Variants in THBS3 observed in about 807,000 individuals in gnomAD.
The protein encoded by THBS3 is thrombospondin 3.
Under a neutral mutation model 118.3 loss-of-function variants are expected in THBS3, and 78 were observed. That is an observed-to-expected ratio of 0.66 (90% CI 0.55 to 0.80). The LOEUF (loss-of-function observed/expected upper bound fraction) is 0.80. Among genes scored for constraint, THBS3 ranks in the 30% least tolerant of loss-of-function variants. THBS3 has a pLI of 0.00. For synonymous variants in THBS3, 427 were observed against 475.3 expected, an observed-to-expected ratio of 0.90 and a Z score of 1.32; for missense variants, 1,057 against 1,247.4, an observed-to-expected ratio of 0.85 and a Z score of 2.30.
At chr1:155,208,097 C>G, upstream of THBS3, 1 of 579,466 alleles carries the variant, frequency 1.7e-6, no homozygotes, top group Non-Finnish European at 3.1e-6. Flanking sequence ...TCCCTGCTTT[C>G]TACCTCTCCC....
intron 11 of THBS3, 72 bp from the exon 12 acceptor site, chr1:155,201,276 A>T: frequency 6.2e-7 from 1 of 1,600,668 alleles, no homozygotes; most frequent in Non-Finnish European, 8.5e-7. Flanking sequence ...TCCCTGCTTC[A>T]GGTCCTATTC....
rs748335230 is a variant in THBS3 at position 155,198,158 on chromosome 1, C to G, written c.2137G>C (p.Asp713His). The stretch of plus-strand genomic sequence containing the variant: ...ACCTCTGCACTTTCAGGACACACAT[C>G]CAGGGGGTCGACCACAGCATCATTG... ...FDNDAVVDPL[D>H]VCPESAEVTL... Residue 713 changes from aspartate (D) to histidine (H), a missense_variant, in exon 18 of 23, where the codon GAT (aspartate) becomes CAT (histidine). Physicochemically the swap from Asp to His is moderately conservative, Grantham distance 81 (BLOSUM62 -1). This residue lies in a region of THBS3 where 307 missense variants were observed against 326.1 expected (regional missense o/e 0.94). Transcript: ENST00000368378. 69 of 1,614,048 alleles carry G rather than the reference C, an allele frequency of 4.3e-5. No individual in the cohort carries two copies. The highest frequency in any genetic ancestry group is 1.3e-4 in the Admixed American group (8 of 60,008).
intron 21 of THBS3, chr1:155,196,536 A>C (rs1169122658): frequency 4.4e-6 from 1 of 228,144 alleles, no homozygotes. Flanking sequence ...TGGCCATGGA[A>C]AGTCCAGCCT....
rs1462824813 is a variant in THBS3 at position 155,199,098 on chromosome 1, G to C, written c.1881-496C>G. Among the ~76,000 whole-genome samples the C allele has an allele frequency of 2.0e-5, 3 of 147,076 alleles. 1 individual carries two copies. Among genetic ancestry groups the C allele is most frequent in the Middle Eastern group, 7.0e-3 (2 of 286 alleles). On this transcript the variant is annotated intron_variant, in intron 16 of 22. Transcript: ENST00000368378. Reference sequence around the variant, plus strand: ...TCACTGCACTCCAGCTTGAGTGACAGAGCAAGACTCCATCTCAAAAAAAAA... The same window carrying C: ...TCACTGCACTCCAGCTTGAGTGACACAGCAAGACTCCATCTCAAAAAAAAA...
chr1:155,200,807 C>A lies in THBS3; in HGVS notation c.1548+90G>T, dbSNP rs1182548590. ...CCTGATTTGGAGTATTTGGCCCTTA[C>A]TAGAGAGCTGCCAGATGAGGTAAGT... On this transcript the variant is annotated intron_variant, in intron 13 of 22. Coordinates refer to ENST00000368378, the MANE Select transcript of THBS3 (RefSeq NM_007112.5). The A allele has an allele frequency of 1.9e-6, 3 of 1,608,820 alleles. No homozygotes were observed. In the Admixed American group the frequency reaches 5.0e-5, roughly 27 times the overall value.
rs1668924042 is a variant in THBS3, at chr1:155,197,718, G to A, written c.2303-59C>T. 5 of 1,601,294 alleles carry A rather than the reference G, an allele frequency of 3.1e-6. No individual in the cohort carries two copies. The highest frequency in any genetic ancestry group is 1.7e-5 in the Admixed American group (1 of 59,514). On this transcript the variant is annotated intron_variant, in intron 19 of 22. Coordinates refer to ENST00000368378, the MANE Select transcript of THBS3 (RefSeq NM_007112.5). This position sits in a 1 kb window ranked among gnomAD's most constrained non-coding sequence, Gnocchi z 5.0. ...CAAAGCTACTGGCGGCCCATCATGGGGTAAAGTTGGGAAGGGATGCCTGCT... is the reference window on the plus strand; with the variant it reads ...CAAAGCTACTGGCGGCCCATCATGGAGTAAAGTTGGGAAGGGATGCCTGCT...
Position 155,206,462 on chromosome 1 carries a change from C to A in THBS3, c.80-56G>T. 1 of 1,521,006 alleles carries A rather than the reference C, an allele frequency of 6.6e-7. No individual in the cohort carries two copies. The highest frequency in any genetic ancestry group is 2.3e-5 in the East Asian group (1 of 43,016). The allele number at this position is 1,521,006 out of a possible 1,614,324, so 94.2% of individuals were successfully genotyped here. A position where few individuals can be genotyped will look rare whatever the true frequency, so the allele number is the denominator to read the frequency against. ...AATGGGATCAAATGCTAAGGTATGCCCTCCCCCGAGCCCACATCACCCCCT... is the reference window on the plus strand; with the variant it reads ...AATGGGATCAAATGCTAAGGTATGCACTCCCCCGAGCCCACATCACCCCCT... On this transcript the variant is annotated intron_variant, in intron 1 of 22. Coordinates refer to ENST00000368378, the MANE Select transcript of THBS3 (RefSeq NM_007112.5). The surrounding 1 kb of genome is among the most constrained non-coding windows in gnomAD (Gnocchi z 4.2).
chr1:155,208,827 G>T, upstream of THBS3: 3 of 1,574,818 alleles, frequency 1.9e-6, no homozygotes, highest in Non-Finnish European at 2.6e-6. Flanking sequence ...GGACCCCCCC[G>T]CAGTCCCCGC....
chr1:155,199,771 GAA>G, intron 16 of THBS3, 31 bp downstream of exon 16: 5 of 1,612,580 alleles, frequency 3.1e-6, no homozygotes, highest in Non-Finnish European at 4.2e-6. Context: ...ACAAAAAAAA[GAA>G]AGACCTTGCG....
intron 13 of THBS3, 69 bp from the exon 14 acceptor site, chr1:155,200,679 G>A (rs1669565174): frequency 1.9e-6 from 3 of 1,586,902 alleles, no homozygotes; most frequent in Non-Finnish European, 2.6e-6. Context: ...CACCTACCTT[G>A]TCTCTGTATC....
At chr1:155,199,449 T>C (rs184817461) in intron 16 of THBS3, among the ~76,000 whole-genome samples, 1 of 134,874 alleles carries the variant, frequency 7.4e-6, no homozygotes, top group Non-Finnish European at 1.6e-5. Context: ...GAAAGTAAAA[T>C]ATCCCCTATA....
Position 155,198,400 on chromosome 1 carries a change from C to T in THBS3, c.2074+9G>A. 1 of 1,612,154 alleles carries T rather than the reference C, an allele frequency of 6.2e-7. No homozygotes were observed. Among genetic ancestry groups the T allele is most frequent in the Non-Finnish European group, 8.5e-7 (1 of 1,178,538 alleles). The stretch of plus-strand genomic sequence containing the variant: ...ACCAGTCTAACGTGCTCTGGGTCCG[C>T]AGGCTTACCATCTGAGTCCTTCTGA... On this transcript the variant is annotated intron_variant, in intron 17 of 22. Transcript: ENST00000368378.
rs1669557766 is a variant in THBS3 at position 155,200,644 on chromosome 1, C to G, written c.1549-34G>C. The G allele has an allele frequency of 3.7e-6, 6 of 1,609,018 alleles. No individual in the cohort carries two copies. In the East Asian group the frequency reaches 8.9e-5, roughly 24 times the overall value. On this transcript the variant is annotated intron_variant, in intron 13 of 22. Transcript: ENST00000368378. Reference sequence around the variant, plus strand: ...AGGGGTGGGAGGGGAAGGGTCAGGTCTCCCCTAAATCACTTGTCATCTTGC... The same window carrying G: ...AGGGGTGGGAGGGGAAGGGTCAGGTGTCCCCTAAATCACTTGTCATCTTGC...
chr1:155,200,270 A>G, intron 14 of THBS3, 157 bp from the exon 15 acceptor site: 1 of 992,166 alleles, frequency 1.0e-6, no homozygotes, highest in East Asian at 2.5e-5. Flanking sequence ...ACTCTGCCTA[A>G]CACTACGCCC....
upstream of THBS3, chr1:155,208,694 C>G (rs373663022): frequency 8.5e-7 from 1 of 1,174,614 alleles, no homozygotes; most frequent in Middle Eastern, 3.0e-4. Context: ...TCCCCTCCCC[C>G]ACCCAAGCCC....
In THBS3 at chr1:155,201,056, C is replaced by A. The variant is rs370524594; in HGVS notation, c.1440+38G>T. ...GAGTTCTGGCCTGACCCAGCTTGGG[C>A]TCCCCACTACGCCCCCTTGCCCGCC... On this transcript the variant is annotated intron_variant, in intron 12 of 22. Coordinates refer to ENST00000368378, the MANE Select transcript of THBS3 (RefSeq NM_007112.5). The A allele has an allele frequency of 6.2e-6, 10 of 1,614,196 alleles. No individual in the cohort carries two copies. The Admixed American group carries it at 1.3e-4, about 22-fold the overall frequency.
In THBS3 at chr1:155,207,501, G is replaced by A. The variant is rs117822366; in HGVS notation, c.79+297C>T. 2.7e-4 allele frequency among the ~76,000 whole-genome samples: 41 copies of A among 152,074 alleles called. 1 individual carries two copies. In the East Asian group the frequency reaches 7.4e-3, roughly 27 times the overall value. On this transcript the variant is annotated intron_variant, in intron 1 of 22. Transcript: ENST00000368378. ...TTCAGGCTGCTCTCCCAGACCCTAG[G>A]GTGCCTACAGATGCTCAGGAACCAC...
Position 155,206,227 on chromosome 1 carries a change from C to T in THBS3, c.259G>A (p.Ala87Thr), listed in dbSNP as rs748690106. The change falls in exon 2 of 23, where the codon GCC (alanine) becomes ACC (threonine). Residue 87 changes from alanine (A) to threonine (T), a missense_variant. This residue lies in a region of THBS3 where 206 missense variants were observed against 205.7 expected (regional missense o/e 1.00). Coordinates refer to ENST00000368378, the MANE Select transcript of THBS3 (RefSeq NM_007112.5). This position sits in a 1 kb window ranked among gnomAD's most constrained non-coding sequence, Gnocchi z 4.2. The stretch of plus-strand genomic sequence containing the variant: ...TTGTTGATCTTGCCTACAACAGAGG[C>T]CTCCAGCCATCGAGTGTTGTCTTGG... ...SRQDNTRWLE[A>T]SVVGKINKVL... is the part of the protein sequence containing the mutation. 3.7e-5 allele frequency: 59 copies of T among 1,613,982 alleles called. No individual in the cohort carries two copies. The highest frequency in any genetic ancestry group is 4.9e-5 in the Non-Finnish European group (58 of 1,180,012).
intron 11 of THBS3, 71 bp from the exon 12 acceptor site, chr1:155,201,275 C>T: frequency 6.2e-7 from 1 of 1,601,270 alleles, no homozygotes; most frequent in South Asian, 1.1e-5. Context: ...TTCCCTGCTT[C>T]AGGTCCTATT....
Sources: gnomAD v4.1 joint callset for allele counts (sites outside exome capture counted in the v4.1 genomes callset) on GRCh38, gnomAD v4.1.1 for gene constraint, gnomAD v4.1.1 regional missense constraint, Gnocchi (gnomAD v3.1) non-coding constraint, MANE v1.5 for transcripts, NCBI Gene and HGNC (gene_info 2026-07-23, HGNC 2026-07-21) for gene names.